Variants in NCOA3 observed in about 807,000 individuals in gnomAD.
The protein encoded by NCOA3 is CBP-interacting protein.
NCOA3 carries 51 observed loss-of-function variants against 158.8 expected under a neutral mutation model. The observed-to-expected ratio is 0.32, with a 90% CI of 0.26 to 0.41. The LOEUF (loss-of-function observed/expected upper bound fraction) is 0.41, where lower values mean the gene tolerates loss of function less well. NCOA3 is among the 10% of genes least tolerant of loss of function. The pLI, the probability that NCOA3 is intolerant of heterozygous loss-of-function variation, is 1.00. For missense variants in NCOA3, 1,510 were observed against 1,746.6 expected (o/e 0.86, Z 2.41); for synonymous variants, 537 against 592.4 (o/e 0.91, Z 1.36).
chr20:47,633,593 A>G lies in NCOA3; in HGVS notation c.921A>G (p.Leu307=), dbSNP rs765059001. 6.2e-7 allele frequency: 1 copy of G among 1,614,118 alleles called. No homozygotes were observed. The highest frequency in any genetic ancestry group is 2.2e-5 in the East Asian group (1 of 44,876). ...GGTGTATTCAGAGATTTTTTAGTCT[A>G]AATGATGGGCAGTCATGGTCCCAGA... ...IRRCIQRFFS[L]NDGQSWSQKR... Residue 307 remains leucine, a synonymous_variant, in exon 9 of 23, where the codon CTA becomes CTG. Coordinates refer to ENST00000371998, the MANE Select transcript of NCOA3 (RefSeq NM_181659.3).
At chr20:47,517,223 A>G (rs572261106) in intron 1 of NCOA3, among the ~76,000 whole-genome samples, 2 of 152,172 alleles carry the variant, frequency 1.3e-5, no homozygotes, top group African/African-American at 2.4e-5. Context: ...CTCCTCCCCA[A>G]AAAAATTACC....
rs532340252 is a variant in NCOA3, at chr20:47,525,961, G to A, written c.-99+23942G>A. Among the ~76,000 whole-genome samples, 407 of 149,670 alleles carry A rather than the reference G, an allele frequency of 2.7e-3. 5 individuals carry two copies. Among genetic ancestry groups the A allele is most frequent in the African/African-American group, 9.7e-3 (394 of 40,718 alleles). ...GGGCTGACCCCCCCACCTCCCTCCCGGACAAGGTGGCTGCTGGGCGGAGAC... is the reference window on the plus strand; with the variant it reads ...GGGCTGACCCCCCCACCTCCCTCCCAGACAAGGTGGCTGCTGGGCGGAGAC... On this transcript the variant is annotated intron_variant, in intron 1 of 22. Transcript: ENST00000371998.
chr20:47,504,687 C>T (rs1278506189), intron 1 of NCOA3, among the ~76,000 whole-genome samples: 1 of 151,192 alleles, frequency 6.6e-6, no homozygotes, highest in African/African-American at 2.4e-5. Flanking sequence ...ACCTGTAGTT[C>T]CAGCTACTCA....
chr20:47,537,434 C>T (rs1451120787), intron 1 of NCOA3, among the ~76,000 whole-genome samples: 1 of 11,528 alleles, frequency 8.7e-5, no homozygotes, highest in South Asian at 2.9e-3. Context: ...TGATAATCGG[C>T]GGGGGTGGGG....
chr20:47,614,396 G>A (rs1320123880), intron 2 of NCOA3, among the ~76,000 whole-genome samples: 3 of 152,096 alleles, frequency 2.0e-5, no homozygotes, highest in African/African-American at 7.2e-5. Flanking sequence ...TTTTCTGATT[G>A]ACTTGAGCAG....
chr20:47,626,825 A>G (rs566322140), intron 5 of NCOA3, among the ~76,000 whole-genome samples, 177 bp from the exon 6 acceptor site: 10 of 152,176 alleles, frequency 6.6e-5, no homozygotes, highest in South Asian at 4.1e-4. Context: ...CTTATAGGAT[A>G]CCAGTCATAT....
At chr20:47,573,324 C>T (rs1159240181) in intron 1 of NCOA3, among the ~76,000 whole-genome samples, 4 of 152,176 alleles carry the variant, frequency 2.6e-5, no homozygotes, top group East Asian at 1.9e-4. Flanking sequence ...ACCCGGGAGG[C>T]GGAGGTTGCA....
chr20:47,525,654 ACG>A (rs2084423137), intron 1 of NCOA3, among the ~76,000 whole-genome samples: 1 of 17,194 alleles, frequency 5.8e-5, no homozygotes, highest in African/African-American at 2.7e-4. Flanking sequence ...GGCTGGCCGG[ACG>A]GGGGGGCTGA....
At chr20:47,571,282 G>A (rs1455661852) in intron 1 of NCOA3, among the ~76,000 whole-genome samples, 6 of 151,474 alleles carry the variant, frequency 4.0e-5, no homozygotes, top group Non-Finnish European at 8.8e-5. Context: ...GGGGATTACA[G>A]GTATGAGCCA....
chr20:47,643,319 T>C (rs2086640388), intron 17 of NCOA3, among the ~76,000 whole-genome samples: 1 of 152,166 alleles, frequency 6.6e-6, no homozygotes, highest in Admixed American at 6.5e-5. Context: ...GTTGGGGAAA[T>C]AGATGTGTAC....
intron 1 of NCOA3, among the ~76,000 whole-genome samples, chr20:47,542,028 T>G (rs113651260): frequency 0.017 from 1,424 of 81,796 alleles, 44 homozygotes; most frequent in Admixed American, 0.05. Context: ...TTTTTTTTTT[T>G]TTGTTGTTGT....
At chr20:47,541,113 G>A (rs947681754) in intron 1 of NCOA3, among the ~76,000 whole-genome samples, 1 of 151,592 alleles carries the variant, frequency 6.6e-6, no homozygotes. Flanking sequence ...AAAGTACTCA[G>A]TTTTAGAAGA....
At chr20:47,576,666 A>C (rs1266186518) in intron 1 of NCOA3, among the ~76,000 whole-genome samples, 1 of 152,192 alleles carries the variant, frequency 6.6e-6, no homozygotes, top group Admixed American at 6.5e-5. Flanking sequence ...AAAATGTGCA[A>C]TCCTGGTAGC....
chr20:47,512,589 A>AC (rs2084164596), intron 1 of NCOA3, among the ~76,000 whole-genome samples: 1 of 150,802 alleles, frequency 6.6e-6, no homozygotes. Flanking sequence ...AAAAAAAAAA[A>AC]CACAAAAGAT....
intron 1 of NCOA3, among the ~76,000 whole-genome samples, chr20:47,560,791 G>A (rs1174969224): frequency 6.6e-6 from 1 of 151,936 alleles, no homozygotes; most frequent in Non-Finnish European, 1.5e-5. Context: ...TTCTCGATGT[G>A]TTAAACATTT....
In NCOA3 at chr20:47,639,700, A is replaced by G; in HGVS notation, c.2831A>G (p.Asp944Gly). 6.2e-7 allele frequency: 1 copy of G among 1,614,120 alleles called. No homozygotes were observed. Among genetic ancestry groups the G allele is most frequent in the Non-Finnish European group, 8.5e-7 (1 of 1,180,006 alleles). Residue 944 changes from aspartate (D) to glycine (G), a missense_variant, in exon 15 of 23, where the codon GAT becomes GGT. By Grantham distance (94) the Asp-to-Gly change is moderately conservative. This residue lies in a region of NCOA3 where 1,017 missense variants were observed against 1,098.3 expected (regional missense o/e 0.93). Transcript: ENST00000371998. The stretch of plus-strand genomic sequence containing the variant: ...AACTCCATGGGAAGACCAGGAGGAG[A>G]TTATAATACTTCTTTACCCAGACCT... ...NSNSMGRPGG[D>G]YNTSLPRPAL...
chr20:47,545,611 A>G (rs945883062), intron 1 of NCOA3, among the ~76,000 whole-genome samples: 2 of 150,876 alleles, frequency 1.3e-5, no homozygotes, highest in Non-Finnish European at 3.0e-5. Flanking sequence ...CAATATCATG[A>G]AGGTTTTCTT....
intron 1 of NCOA3, among the ~76,000 whole-genome samples, chr20:47,516,449 G>A (rs1186767315): frequency 6.6e-6 from 1 of 152,126 alleles, no homozygotes; most frequent in Non-Finnish European, 1.5e-5. Flanking sequence ...TGGAATAAGA[G>A]GGTAGAAGAC....
intron 1 of NCOA3, among the ~76,000 whole-genome samples, chr20:47,528,750 C>G (rs750355321): frequency 6.6e-6 from 1 of 152,180 alleles, no homozygotes; most frequent in Non-Finnish European, 1.5e-5. Flanking sequence ...CACTATATTA[C>G]CTAAGTATCT....
Sources: allele counts gnomAD v4.1 joint callset (sites outside exome capture counted in the v4.1 genomes callset), GRCh38; gene constraint gnomAD v4.1.1; regional missense constraint gnomAD v4.1.1; transcripts MANE v1.5; gene names NCBI Gene and HGNC (gene_info 2026-07-23, HGNC 2026-07-21).